Variants in TBC1D24 observed in about 807,000 individuals in gnomAD.
The protein encoded by TBC1D24 is TBC1 domain family member 24, also known as Infantile myoclonic epilepsy.
Under a neutral mutation model 50.7 loss-of-function variants are expected in TBC1D24, and 47 were observed. That is an observed-to-expected ratio of 0.93 (90% CI 0.73 to 1.18). The LOEUF (loss-of-function observed/expected upper bound fraction) is 1.18. Among genes scored for constraint, TBC1D24 ranks in the 50% most tolerant of loss-of-function variants. The pLI is 0.00. For synonymous variants in TBC1D24, 324 were observed against 335.2 expected, an observed-to-expected ratio of 0.97 and a Z score of 0.36; for missense variants, 688 against 766.5, an observed-to-expected ratio of 0.90 and a Z score of 1.21.
intron 1 of TBC1D24, chr16:2,478,724 G>T (rs1038336931): frequency 2.0e-5 from 3 of 151,894 alleles, no homozygotes; most frequent in Admixed American, 1.3e-4. Flanking sequence ...GGGCAGGGTA[G>T]TGGGCTTTTT....
rs1251507272 is a variant in TBC1D24 at position 2,486,836 on chromosome 16, A to G, written c.-115-9198A>G. The stretch of plus-strand genomic sequence containing the variant: ...CTCGCCCCCGCCTCCAGCATCCCCA[A>G]GTGGCCTGGGCTCTGACTGCCACTG... On this transcript the variant is annotated intron_variant, in intron 1 of 7. Coordinates refer to ENST00000646147, the MANE Select transcript of TBC1D24 (RefSeq NM_001199107.2). This position sits in a 1 kb window ranked among gnomAD's most constrained non-coding sequence, Gnocchi z 5.8. 1.3e-5 allele frequency among the ~76,000 whole-genome samples: 2 copies of G among 152,106 alleles called. No homozygotes were observed. Among genetic ancestry groups the G allele is most frequent in the African/African-American group, 4.8e-5 (2 of 41,418 alleles).
chr16:2,488,912 A>G (rs977585659), intron 1 of TBC1D24, among the ~76,000 whole-genome samples: 3 of 149,062 alleles, frequency 2.0e-5, no homozygotes, highest in African/African-American at 7.4e-5. Context: ...TACAAAAAAA[A>G]AAAAAAAATT....
At chr16:2,477,353 G>C (rs958476830) in intron 1 of TBC1D24, 1 of 152,218 alleles carries the variant, frequency 6.6e-6, no homozygotes, top group East Asian at 1.9e-4. Context: ...TGGAAGGATC[G>C]CATGAGCCCA....
chr16:2,490,940 G>A (rs2065690434), intron 1 of TBC1D24, among the ~76,000 whole-genome samples: 1 of 152,222 alleles, frequency 6.6e-6, no homozygotes, highest in South Asian at 2.1e-4. Flanking sequence ...TGCGGCTTAT[G>A]ATGTACAGCA....
rs528540761 is a variant in TBC1D24, at chr16:2,486,483, C to T, written c.-115-9551C>T. 6.6e-5 allele frequency among the ~76,000 whole-genome samples: 10 copies of T among 152,348 alleles called. No homozygotes were observed. The South Asian group carries it at 1.7e-3, about 25-fold the overall frequency. The stretch of plus-strand genomic sequence containing the variant: ...CTTGATAGCTTGTCAGCTGCTGGGA[C>T]GGGGGCTGTTCTTGTGGCCAGGATG... On this transcript the variant is annotated intron_variant, in intron 1 of 7. Coordinates refer to ENST00000646147, the MANE Select transcript of TBC1D24 (RefSeq NM_001199107.2). The surrounding 1 kb of genome is among the most constrained non-coding windows in gnomAD (Gnocchi z 5.8).
Position 2,500,696 on chromosome 16 carries a change from C to G in TBC1D24, c.1526-108C>G, listed in dbSNP as rs1463982466. On this transcript the variant is annotated intron_variant, in intron 7 of 7. Coordinates refer to ENST00000646147, the MANE Select transcript of TBC1D24 (RefSeq NM_001199107.2). The surrounding 1 kb of genome is among the most constrained non-coding windows in gnomAD (Gnocchi z 8.0). The stretch of plus-strand genomic sequence containing the variant: ...GGCTATGGAGGGTCAACGGTCTGTG[C>G]GGTTTCAGAGAGGCCCGTGCAGGGC... The G allele has an allele frequency of 6.9e-7, 1 of 1,446,206 alleles. No homozygotes were observed. The highest frequency in any genetic ancestry group is 1.4e-5 in the African/African-American group (1 of 71,224). 89.6% of individuals were successfully genotyped at this position (1,446,206 alleles called of 1,614,324 possible). A position where few individuals can be genotyped will look rare whatever the true frequency, so the allele number is the denominator to read the frequency against.
In TBC1D24 at chr16:2,501,012, T is replaced by G. The variant is rs1406947360; in HGVS notation, c.*54T>G. 1 of 1,598,094 alleles carries G rather than the reference T, an allele frequency of 6.3e-7. No homozygotes were observed. Among genetic ancestry groups the G allele is most frequent in the East Asian group, 2.2e-5 (1 of 44,808 alleles). ...GTGGGGCGGTGGGCCGAGGCTGGGCTGCCGCCTCGGGCAGCAGAGAGCAGA... is the reference window on the plus strand; with the variant it reads ...GTGGGGCGGTGGGCCGAGGCTGGGCGGCCGCCTCGGGCAGCAGAGAGCAGA... On this transcript the variant is annotated 3_prime_UTR_variant, in exon 8 of 8. Coordinates refer to ENST00000646147, the MANE Select transcript of TBC1D24 (RefSeq NM_001199107.2).
At position 2,497,067 on chromosome 16, in the gene TBC1D24, A is replaced by G. The variant is rs1555501320; in HGVS notation, c.919A>G (p.Asn307Asp). 1 of 1,611,212 alleles carries G rather than the reference A, an allele frequency of 6.2e-7. No homozygotes were observed. ...RKEIQLLQMA[N>D]EKALKQKGIT... ...GGAGATCCAGCTCCTGCAGATGGCC[A>G]ATGAGAAAGCCCTGAAGCAGAAGGG... Residue 307 changes from asparagine (N) to aspartate (D), a missense_variant, in exon 2 of 8, where the codon AAT becomes GAT. By Grantham distance (23) the Asn-to-Asp change is conservative. Coordinates refer to ENST00000646147, the MANE Select transcript of TBC1D24 (RefSeq NM_001199107.2).
At chr16:2,494,364 A>G (rs1041328214) in intron 1 of TBC1D24, among the ~76,000 whole-genome samples, 1 of 151,284 alleles carries the variant, frequency 6.6e-6, no homozygotes, top group African/African-American at 2.4e-5. Context: ...GTGAGCCGAG[A>G]TTACGCCACT....
In TBC1D24 at chr16:2,496,065, C is replaced by A. The variant is rs2065733999; in HGVS notation, c.-84C>A. 2 of 1,572,414 alleles carry A rather than the reference C, an allele frequency of 1.3e-6. No individual in the cohort carries two copies. The highest frequency in any genetic ancestry group is 1.8e-5 in the Admixed American group (1 of 56,026). On this transcript the variant is annotated 5_prime_UTR_variant, in exon 2 of 8. Coordinates refer to ENST00000646147, the MANE Select transcript of TBC1D24 (RefSeq NM_001199107.2). ...AGATGGCAGACAGGTTTGCAGGAAA[C>A]CCTCAGAAAGGGGGCTGGAGGATTT...
chr16:2,489,703 G>C (rs1013152469), intron 1 of TBC1D24, among the ~76,000 whole-genome samples: 1 of 152,156 alleles, frequency 6.6e-6, no homozygotes, highest in African/African-American at 2.4e-5. Context: ...CTGCAGGACC[G>C]GCTGCGTGTT....
At chr16:2,478,657 T>G (rs2065587342) in intron 1 of TBC1D24, 1 of 152,122 alleles carries the variant, frequency 6.6e-6, no homozygotes, top group Non-Finnish European at 1.5e-5. Context: ...AATACAGTCT[T>G]AAAGTCAGTA....
At chr16:2,498,693 AGGTCCT>A (rs1336446040) in intron 4 of TBC1D24, among the ~76,000 whole-genome samples, 1 of 152,074 alleles carries the variant, frequency 6.6e-6, no homozygotes, top group East Asian at 1.9e-4. Flanking sequence ...TGTGGGCGGC[AGGTCCT>A]GGCTGTGCTC....
intron 1 of TBC1D24, chr16:2,480,320 A>G (rs1398887013): frequency 6.6e-6 from 1 of 151,478 alleles, no homozygotes; most frequent in African/African-American, 2.4e-5. Context: ...TTGTAGAGAC[A>G]GTATCTTACT....
chr16:2,505,007 G>C lies in TBC1D24; in HGVS notation c.*4049G>C, dbSNP rs2065824160. 1 of 152,178 alleles carries C rather than the reference G, an allele frequency of 6.6e-6. No individual in the cohort carries two copies. The highest frequency in any genetic ancestry group is 2.1e-4 in the South Asian group (1 of 4,830). The allele number at this position is 152,178 out of a possible 1,614,324, so 9.4% of individuals were successfully genotyped here. A position where few individuals can be genotyped will look rare whatever the true frequency, so the allele number is the denominator to read the frequency against. ...CCGCCTCTGCCTCCCTAAATTCTGG[G>C]ATTACAGGCGTGAGCTGCTGTGCCC... On this transcript the variant is annotated 3_prime_UTR_variant, in exon 8 of 8. Coordinates refer to ENST00000646147, the MANE Select transcript of TBC1D24 (RefSeq NM_001199107.2).
At position 2,498,291 on chromosome 16, in the gene TBC1D24, G is replaced by T; in HGVS notation, c.1037G>T (p.Ser346Ile). 1.2e-6 allele frequency: 2 copies of T among 1,611,860 alleles called. No individual in the cohort carries two copies. Among genetic ancestry groups the T allele is most frequent in the South Asian group, 2.2e-5 (2 of 90,430 alleles). The change falls in exon 4 of 8, where the codon AGC becomes ATC. Residue 346 changes from serine to isoleucine, a missense_variant. Physicochemically the swap from Ser to Ile is moderately radical, Grantham distance 142. Transcript: ENST00000646147. Reference sequence around the variant, plus strand: ...GAGAACTTCCGCTCGGAGATCGTCAGCGTGAGGGAGATGAGAGACATCTGG... The same window carrying T: ...GAGAACTTCCGCTCGGAGATCGTCATCGTGAGGGAGATGAGAGACATCTGG... ...HAENFRSEIVSVREMRDIWSW... is the reference protein window; with the variant it reads ...HAENFRSEIVIVREMRDIWSW...
Position 2,482,719 on chromosome 16 carries a change from G to A in TBC1D24, c.-116+7549G>A, listed in dbSNP as rs1303359210. 2.0e-5 allele frequency among the ~76,000 whole-genome samples: 3 copies of A among 152,178 alleles called. No homozygotes were observed. Among genetic ancestry groups the A allele is most frequent in the Admixed American group, 2.0e-4 (3 of 15,284 alleles). On this transcript the variant is annotated intron_variant, in intron 1 of 7. Coordinates refer to ENST00000646147, the MANE Select transcript of TBC1D24 (RefSeq NM_001199107.2). This position sits in a 1 kb window ranked among gnomAD's most constrained non-coding sequence, Gnocchi z 5.2. ...TGTTGTGACTGTACCGGAGACACCT[G>A]GGAAGCAGCTGGAGGGACAGGTCTG... is the stretch of plus-strand genomic sequence containing the variant.
In TBC1D24 at chr16:2,487,123, C is replaced by A. The variant is rs953791358; in HGVS notation, c.-115-8911C>A. On this transcript the variant is annotated intron_variant, in intron 1 of 7. Coordinates refer to ENST00000646147, the MANE Select transcript of TBC1D24 (RefSeq NM_001199107.2). This position sits in a 1 kb window ranked among gnomAD's most constrained non-coding sequence, Gnocchi z 4.1. ...AGCACTGCCAGGGCCGCCCAGCTCG[C>A]CTTCGCCCACTCTTGCCTCCACATC... Among the ~76,000 whole-genome samples, 1 of 152,252 alleles carries A rather than the reference C, an allele frequency of 6.6e-6. No homozygotes were observed. The highest frequency in any genetic ancestry group is 2.4e-5 in the African/African-American group (1 of 41,470).
chr16:2,499,815 C>A lies in TBC1D24; in HGVS notation c.1207-20C>A, dbSNP rs757347903. On this transcript the variant is annotated intron_variant, in intron 5 of 7. Coordinates refer to ENST00000646147, the MANE Select transcript of TBC1D24 (RefSeq NM_001199107.2). This position sits in a 1 kb window ranked among gnomAD's most constrained non-coding sequence, Gnocchi z 4.0. The stretch of plus-strand genomic sequence containing the variant: ...TCCTGGGGGCCTGCGGGCACAGCCT[C>A]ACCCAGACCTTTCCCCCAGGTGTGT... 4 of 1,609,720 alleles carry A rather than the reference C, an allele frequency of 2.5e-6. No individual in the cohort carries two copies. Among genetic ancestry groups the A allele is most frequent in the Middle Eastern group, 1.7e-4 (1 of 6,054 alleles).
Sources: allele counts gnomAD v4.1 joint callset (sites outside exome capture counted in the v4.1 genomes callset), GRCh38; gene constraint gnomAD v4.1.1; non-coding constraint Gnocchi (gnomAD v3.1); transcripts MANE v1.5; gene names NCBI Gene and HGNC (gene_info 2026-07-23, HGNC 2026-07-21).